The following SYNE1 variants were observed in gnomAD, a reference collection of about 807,000 sequenced individuals.
SYNE1 encodes nesprin-1.
Under a neutral mutation model 1,111.0 loss-of-function variants are expected in SYNE1, and 616 were observed. The ratio of observed to expected loss-of-function variants is 0.55; its 90% CI spans 0.52 to 0.59. The LOEUF is 0.59. SYNE1 is among the 20% of genes least tolerant of loss of function. The pLI is 0.00. For missense variants in SYNE1, 10,006 were observed against 10,417.0 expected, an observed-to-expected ratio of 0.96 and a Z score of 1.72; for synonymous variants, 3,855 against 3,825.8, an observed-to-expected ratio of 1.01 and a Z score of -0.28.
chr6:152,280,269 A>G (rs1562746513), intron 97 of SYNE1, among the ~76,000 whole-genome samples: 1 of 152,224 alleles, frequency 6.6e-6, no homozygotes, highest in Non-Finnish European at 1.5e-5. Flanking sequence ...TAATGTAGTA[A>G]TTTAATATTA....
chr6:152,151,116 G>T (rs191797650), intron 135 of SYNE1, among the ~76,000 whole-genome samples: 179 of 152,082 alleles, frequency 1.2e-3, no homozygotes, highest in African/African-American at 4.1e-3. Flanking sequence ...CAGCTCCTTG[G>T]CAGGCTGAGG....
At chr6:152,437,897 T>G (rs1482938021) in intron 32 of SYNE1, among the ~76,000 whole-genome samples, 1 of 152,218 alleles carries the variant, frequency 6.6e-6, no homozygotes, top group African/African-American at 2.4e-5. Context: ...TATATCTTCA[T>G]GTTTAAAAGA....
At chr6:152,167,967 C>A (rs1167147635) in intron 130 of SYNE1, 3 of 777,016 alleles carry the variant, frequency 3.9e-6, no homozygotes, top group East Asian at 4.9e-5. Context: ...CTTGGGAGTC[C>A]ACATGGCCAG....
chr6:152,284,574 T>TGAAGCTG (rs1332061811), intron 95 of SYNE1, among the ~76,000 whole-genome samples: 5 of 151,478 alleles, frequency 3.3e-5, no homozygotes, highest in Admixed American at 1.3e-4. Flanking sequence ...CCCTCCTGCT[T>TGAAGCTG]GAAGCTGGGA....
intron 124 of SYNE1, among the ~76,000 whole-genome samples, chr6:152,211,107 A>G (rs1230430004): frequency 2.6e-5 from 4 of 152,200 alleles, no homozygotes; most frequent in African/African-American, 9.6e-5. Flanking sequence ...GAGATGGGCT[A>G]GTGATCTCTA....
At chr6:152,223,391 G>T (rs1238210342) in intron 117 of SYNE1, among the ~76,000 whole-genome samples, 1 of 152,156 alleles carries the variant, frequency 6.6e-6, no homozygotes, top group African/African-American at 2.4e-5. Flanking sequence ...GGAGGCTGAG[G>T]CATGTGGATC....
intron 3 of SYNE1, among the ~76,000 whole-genome samples, chr6:152,605,020 G>A (rs896130855): frequency 2.2e-4 from 15 of 69,130 alleles, no homozygotes; most frequent in African/African-American, 9.2e-4. Flanking sequence ...GAGAGAGAGA[G>A]AGAGAGAGAG....
At chr6:152,351,371 G>A (rs2096737841) in intron 70 of SYNE1, among the ~76,000 whole-genome samples, 3 of 152,166 alleles carry the variant, frequency 2.0e-5, no homozygotes, top group African/African-American at 7.2e-5. Context: ...GAAAGCTTTG[G>A]GGTAAGCCAG....
chr6:152,583,281 G>A (rs1210285357), intron 3 of SYNE1, among the ~76,000 whole-genome samples: 1 of 152,100 alleles, frequency 6.6e-6, no homozygotes, highest in South Asian at 2.1e-4. Flanking sequence ...ACTCAGGGTG[G>A]AGGGGCCTTT....
chr6:152,173,679 G>T (rs2065741685), intron 130 of SYNE1, among the ~76,000 whole-genome samples: 1 of 152,162 alleles, frequency 6.6e-6, no homozygotes, highest in Admixed American at 6.5e-5. Flanking sequence ...TAAACTCCAG[G>T]ATGGCTCAAT....
intron 44 of SYNE1, among the ~76,000 whole-genome samples, chr6:152,408,689 C>T (rs1238719739): frequency 6.6e-6 from 1 of 152,126 alleles, no homozygotes; most frequent in Admixed American, 6.5e-5. Flanking sequence ...TGCGGTGGCT[C>T]ACAAATGTAA....
intron 32 of SYNE1, among the ~76,000 whole-genome samples, chr6:152,436,952 G>A (rs1252166118): frequency 6.6e-6 from 1 of 151,934 alleles, no homozygotes; most frequent in Non-Finnish European, 1.5e-5. Flanking sequence ...GATCACTTGA[G>A]GCCAGGAGTT....
intron 3 of SYNE1, among the ~76,000 whole-genome samples, chr6:152,540,757 G>T (rs2099265440): frequency 6.6e-6 from 1 of 152,210 alleles, no homozygotes. Context: ...AGGCTGTGAA[G>T]TTCCTTTGCA....
intron 14 of SYNE1, among the ~76,000 whole-genome samples, chr6:152,479,719 T>C (rs2098870067): frequency 6.6e-6 from 1 of 152,232 alleles, no homozygotes; most frequent in South Asian, 2.1e-4. Context: ...TCTAGATAAC[T>C]GAACATTAGG....
At chr6:152,414,616 A>G (rs1204782221) in intron 41 of SYNE1, among the ~76,000 whole-genome samples, 10 of 152,160 alleles carry the variant, frequency 6.6e-5, no homozygotes, top group African/African-American at 2.2e-4. Flanking sequence ...AAGCATTAGT[A>G]TGGCTGGAAT....
chr6:152,156,549 C>G (rs2061408071), intron 131 of SYNE1, among the ~76,000 whole-genome samples: 1 of 152,148 alleles, frequency 6.6e-6, no homozygotes, highest in Admixed American at 6.5e-5. Flanking sequence ...TTGCATACCT[C>G]CTACACACAT....
rs531041426 is a variant in SYNE1, at chr6:152,218,106, C to T, written c.22191+151G>A. The T allele has an allele frequency of 1.1e-4, 97 of 870,558 alleles. 1 individual carries two copies. The East Asian group carries it at 1.6e-3, about 15-fold the overall frequency. The allele number at this position is 870,558 out of a possible 1,614,324, so 53.9% of individuals were successfully genotyped here. A position where few individuals can be genotyped will look rare whatever the true frequency, so the allele number is the denominator to read the frequency against. ...GCTACTCGGGAGGATGAGGCAGAAT[C>T]GCTTGAACCCGGAAAGCAGAGGTTG... On this transcript the variant is annotated intron_variant, in intron 121 of 145. Transcript: ENST00000367255.
intron 14 of SYNE1, among the ~76,000 whole-genome samples, chr6:152,477,360 G>T (rs2098841045): frequency 6.6e-6 from 1 of 152,160 alleles, no homozygotes; most frequent in Non-Finnish European, 1.5e-5. Flanking sequence ...GGCCAGAAAA[G>T]GGTGGATGAA....
intron 3 of SYNE1, among the ~76,000 whole-genome samples, chr6:152,540,915 A>G (rs2128000955): frequency 6.6e-6 from 1 of 152,356 alleles, no homozygotes; most frequent in South Asian, 2.1e-4. Context: ...GGATTCTTCC[A>G]CAGTTGAGCA....
Sources: gnomAD v4.1 joint callset for allele counts (sites outside exome capture counted in the v4.1 genomes callset) on GRCh38, gnomAD v4.1.1 for gene constraint, MANE v1.5 for transcripts, NCBI Gene and HGNC (gene_info 2026-07-23, HGNC 2026-07-21) for gene names.